CLYBL: variants seen among roughly 807,000 people sequenced by gnomAD.
The protein encoded by CLYBL is citramalyl-CoA lyase, also known as citramalyl-CoA lyase, mitochondrial.
CLYBL carries 31 observed loss-of-function variants against 38.9 expected under a neutral mutation model. The observed-to-expected ratio is 0.80, with a 90% CI of 0.60 to 1.08. The LOEUF (loss-of-function observed/expected upper bound fraction) is 1.08. Among genes scored for constraint, CLYBL ranks in the 50% least tolerant of loss-of-function variants. CLYBL has a pLI of 0.00. For synonymous variants in CLYBL, 171 were observed against 158.6 expected (o/e 1.08, Z -0.59); for missense variants, 434 against 411.6 (o/e 1.05, Z -0.47).
chr13:99,833,159 A>G (rs1276080459), intron 2 of CLYBL, among the ~76,000 whole-genome samples: 2 of 146,712 alleles, frequency 1.4e-5, no homozygotes, highest in Non-Finnish European at 3.0e-5. Context: ...CTCCTGCCTC[A>G]GCCTCCCAAG....
At chr13:99,811,644 G>A (rs7332098) in intron 2 of CLYBL, among the ~76,000 whole-genome samples, 20,827 of 152,040 alleles carry the variant, frequency 0.14, 1,987 homozygotes, top group East Asian at 0.42. Flanking sequence ...TTTTACTGAC[G>A]CCCAGGAGGA....
chr13:99,764,223 A>C (rs2049223476), intron 1 of CLYBL, among the ~76,000 whole-genome samples: 1 of 151,458 alleles, frequency 6.6e-6, no homozygotes, highest in African/African-American at 2.4e-5. Context: ...ATGCCTGGCT[A>C]ATTTTTTTTT....
At chr13:99,613,139 T>G (rs2046655488) in intron 1 of CLYBL, among the ~76,000 whole-genome samples, 1 of 152,072 alleles carries the variant, frequency 6.6e-6, no homozygotes. Flanking sequence ...GTAATCTCTT[T>G]TCATTTCTTA....
At chr13:99,899,383 G>C (rs1303074425), downstream of CLYBL, among the ~76,000 whole-genome samples, 1 of 152,176 alleles carries the variant, frequency 6.6e-6, no homozygotes, top group Non-Finnish European at 1.5e-5. Flanking sequence ...TTCCTTTCCT[G>C]GATGTTGTTC....
At chr13:99,612,408 G>A (rs59341292) in intron 1 of CLYBL, among the ~76,000 whole-genome samples, 28 of 40,264 alleles carry the variant, frequency 7.0e-4, no homozygotes, top group African/African-American at 2.3e-3. Context: ...TTTTTTTTGA[G>A]ACAAGGTCTT....
In CLYBL at chr13:99,692,286, GTTTTTTTTTT is replaced by G. The variant is rs71215539; in HGVS notation, c.63-80534_63-80525del. On this transcript the variant is annotated intron_variant, in intron 1 of 8. Transcript: ENST00000339105. Reference sequence around the variant, plus strand: ...CATAAAGTTCACATTTGTTTTTTTTGTTTTTTTTTTTTTGTTTGTTTTTTTGAGACAGTCT... The same window carrying G: ...CATAAAGTTCACATTTGTTTTTTTTGTTTGTTTGTTTTTTTGAGACAGTCT... Among the ~76,000 whole-genome samples the G allele has an allele frequency of 1.5e-4, 17 of 115,924 alleles. No individual in the cohort carries two copies. The South Asian group carries it at 4.5e-3, about 30-fold the overall frequency. 76.1% of individuals were successfully genotyped at this position (115,924 alleles called of 152,430 possible). A position where few individuals can be genotyped will look rare whatever the true frequency, so the allele number is the denominator to read the frequency against.
At chr13:99,771,396 C>T (rs888143115) in intron 1 of CLYBL, among the ~76,000 whole-genome samples, 14 of 152,174 alleles carry the variant, frequency 9.2e-5, no homozygotes, top group African/African-American at 3.4e-4. Context: ...CTCTTATGGG[C>T]AGGGTTGGCT....
chr13:99,825,965 T>C (rs1013309040), intron 2 of CLYBL, among the ~76,000 whole-genome samples: 4 of 152,226 alleles, frequency 2.6e-5, no homozygotes, highest in African/African-American at 7.2e-5. Flanking sequence ...GCTACAGATC[T>C]GCCAGTATAT....
intron 5 of CLYBL, 130 bp from the exon 6 acceptor site, chr13:99,866,110 A>G: frequency 2.3e-6 from 2 of 875,622 alleles, no homozygotes; most frequent in South Asian, 3.1e-5. Flanking sequence ...GTATTTCAAT[A>G]ATTTTATTTT....
chr13:99,694,923 T>G (rs541819761), intron 1 of CLYBL, among the ~76,000 whole-genome samples: 43 of 152,178 alleles, frequency 2.8e-4, no homozygotes, highest in African/African-American at 9.6e-4. Flanking sequence ...AACTCCTCAG[T>G]GGGGAAGTGA....
chr13:99,674,442 G>T (rs534805372), intron 1 of CLYBL, among the ~76,000 whole-genome samples: 5 of 152,210 alleles, frequency 3.3e-5, no homozygotes, highest in African/African-American at 1.2e-4. Flanking sequence ...GAGCCACCAT[G>T]CCCAGCTGAT....
intron 1 of CLYBL, among the ~76,000 whole-genome samples, chr13:99,702,247 G>A (rs534807027): frequency 6.6e-6 from 1 of 152,220 alleles, no homozygotes; most frequent in African/African-American, 2.4e-5. Flanking sequence ...ATGCTAAGGT[G>A]CTGGGATCAC....
At chr13:99,695,157 AG>A (rs796915531) in intron 1 of CLYBL, among the ~76,000 whole-genome samples, 134 of 152,302 alleles carry the variant, frequency 8.8e-4, no homozygotes, top group African/African-American at 3.1e-3. Flanking sequence ...ACCGTTTCAA[AG>A]AAGCTTCCCA....
At chr13:99,838,971 A>C (rs1007589197) in intron 2 of CLYBL, among the ~76,000 whole-genome samples, 5 of 152,198 alleles carry the variant, frequency 3.3e-5, no homozygotes, top group African/African-American at 1.2e-4. Flanking sequence ...CTTTTGGAAA[A>C]CTGAGCAACT....
intron 1 of CLYBL, among the ~76,000 whole-genome samples, chr13:99,623,791 C>T (rs998383437): frequency 1.3e-5 from 2 of 151,872 alleles, no homozygotes; most frequent in African/African-American, 4.8e-5. Flanking sequence ...AACCCCATCT[C>T]TACTAAAAAT....
chr13:99,882,974 A>AGGCTT (rs1264695788), intron 7 of CLYBL, among the ~76,000 whole-genome samples: 1 of 151,944 alleles, frequency 6.6e-6, no homozygotes, highest in Non-Finnish European at 1.5e-5. Flanking sequence ...GGGCCAGGCC[A>AGGCTT]GGCCAGCCCA....
intron 1 of CLYBL, among the ~76,000 whole-genome samples, chr13:99,646,070 A>G (rs1257266478): frequency 6.6e-6 from 1 of 152,190 alleles, no homozygotes; most frequent in East Asian, 1.9e-4. Flanking sequence ...TGTGGGGTTC[A>G]GTGGGCTTTT....
chr13:99,618,076 A>G (rs1040985995), intron 1 of CLYBL, among the ~76,000 whole-genome samples: 1 of 152,170 alleles, frequency 6.6e-6, no homozygotes, highest in Admixed American at 6.5e-5. Flanking sequence ...GCCCCCAGAT[A>G]TTCATGAGAG....
At position 99,907,597 on chromosome 13, in the gene CLYBL, C is replaced by A. The variant is rs534530478; in HGVS notation, c.*161-458C>A. On this transcript the variant is annotated intron_variant and NMD_transcript_variant, in intron 9 of 9. Coordinates refer to the CLYBL transcript ENST00000689673. Reference sequence around the variant, plus strand: ...TTTTAATTGGGCATGATGGGTCACACCTGTAATCCCAGAGACTCAGGAGGC... The same window carrying A: ...TTTTAATTGGGCATGATGGGTCACAACTGTAATCCCAGAGACTCAGGAGGC... Among the ~76,000 whole-genome samples the A allele has an allele frequency of 3.3e-5, 5 of 152,224 alleles. No homozygotes were observed. The South Asian group carries it at 1.0e-3, about 32-fold the overall frequency.
Sources: allele counts gnomAD v4.1 joint callset (sites outside exome capture counted in the v4.1 genomes callset), GRCh38; gene constraint gnomAD v4.1.1; transcripts MANE v1.5; gene names NCBI Gene and HGNC (gene_info 2026-07-23, HGNC 2026-07-21).